The following OR5H1 variants were observed in gnomAD, a reference collection of about 807,000 sequenced individuals.
OR5H1 encodes the protein olfactory receptor family 5 subfamily H member 1.
For synonymous variants in OR5H1, 124 were observed against 134.4 expected (o/e 0.92, Z 0.54); for missense variants, 378 against 366.8 (o/e 1.03, Z -0.25).
Position 98,133,109 on chromosome 3 carries a change from A to G in OR5H1, c.412A>G (p.Asn138Asp), listed in dbSNP as rs1172025185. The change falls in exon 2 of 2, where the codon AAT (asparagine) becomes GAT (aspartate). Residue 138 changes from asparagine to aspartate, a missense_variant. Physicochemically the swap from Asn to Asp is conservative, Grantham distance 23. Transcript: ENST00000641874. ...KPLLYPAIMT[N>D]GLCIRLLILS... ...TTTACTTTATCCAGCCATTATGACC[A>G]ATGGACTGTGCATCCGGCTATTAAT... is the stretch of plus-strand genomic sequence containing the variant. 1.9e-6 allele frequency: 3 copies of G among 1,613,428 alleles called. No homozygotes were observed. The highest frequency in any genetic ancestry group is 2.7e-5 in the African/African-American group (2 of 74,838).
Position 98,133,717 on chromosome 3 carries a change from A to T in OR5H1, c.*78A>T. 8.0e-7 allele frequency: 1 copy of T among 1,243,062 alleles called. No individual in the cohort carries two copies. The allele number at this position is 1,243,062 out of a possible 1,614,324, so 77.0% of individuals were successfully genotyped here. On this transcript the variant is annotated 3_prime_UTR_variant, in exon 2 of 2. Transcript: ENST00000641874. ...CCTATGTTGTTTCCAGTGTTCAAAC[A>T]TTTTTGCAAGTACAACTGTTCTAGC...
Position 98,132,766 on chromosome 3 carries a change from G to A in OR5H1, c.69G>A (p.Trp23Ter), listed in dbSNP as rs1225236560. The change falls in exon 2 of 2, where the codon TGG becomes TGA. Residue 23 changes from tryptophan to a stop codon, truncating the protein, a stop_gained. Transcript: ENST00000641874. LOFTEE classifies it low-confidence loss of function (END_TRUNC). The part of the protein sequence containing the change: ...VLTGFLYQPQ[W>*]KIPLFLAFLV... ...CAGGATTTTTATATCAACCACAGTGGAAAATACCCCTGTTCCTGGCATTCT... is the reference window on the plus strand; with the variant it reads ...CAGGATTTTTATATCAACCACAGTGAAAAATACCCCTGTTCCTGGCATTCT... The A allele has an allele frequency of 1.9e-6, 3 of 1,613,344 alleles. No individual in the cohort carries two copies. Among genetic ancestry groups the A allele is most frequent in the Non-Finnish European group, 2.5e-6 (3 of 1,179,542 alleles).
rs1553728073 is a variant in OR5H1, at chr3:98,137,994, G to GAGC, written c.*4355_*4356insAGC. 1 of 152,040 alleles carries GAGC rather than the reference G, an allele frequency of 6.6e-6. No homozygotes were observed. Among genetic ancestry groups the GAGC allele is most frequent in the Non-Finnish European group, 1.5e-5 (1 of 68,026 alleles). 9.4% of individuals were successfully genotyped at this position (152,040 alleles called of 1,614,324 possible). A position where few individuals can be genotyped will look rare whatever the true frequency, so the allele number is the denominator to read the frequency against. On this transcript the variant is annotated 3_prime_UTR_variant, in exon 2 of 2. Transcript: ENST00000641874. ...TTCTTGTTAACTACATTTACAGCAC[G>GAGC]TTTATGTCAGTGTAGCAGGACGAGC... is the stretch of plus-strand genomic sequence containing the variant.
At position 98,134,465 on chromosome 3, in the gene OR5H1, G is replaced by A. The variant is rs888842505; in HGVS notation, c.*826G>A. On this transcript the variant is annotated 3_prime_UTR_variant, in exon 2 of 2. Transcript: ENST00000641874. ...GTTTTTATGATGAAGCTACCAAGAT[G>A]TGTAAAAATCAATAATATTGCAAGG... 1 of 152,080 alleles carries A rather than the reference G, an allele frequency of 6.6e-6. No homozygotes were observed. The highest frequency in any genetic ancestry group is 1.5e-5 in the Non-Finnish European group (1 of 67,972). 9.4% of individuals were successfully genotyped at this position (152,080 alleles called of 1,614,324 possible).
chr3:98,132,626 C>A, intron 1 of OR5H1, 54 bp from the exon 2 acceptor site: 2 of 1,571,664 alleles, frequency 1.3e-6, no homozygotes, highest in Non-Finnish European at 1.7e-6. Context: ...TCCCCAATTT[C>A]AACTGATAAT....
At position 98,133,436 on chromosome 3, in the gene OR5H1, T is replaced by C. The variant is rs759864641; in HGVS notation, c.739T>C (p.Ser247Pro). 9.4e-5 allele frequency: 151 copies of C among 1,613,456 alleles called. No homozygotes were observed. The highest frequency in any genetic ancestry group is 1.2e-4 in the Non-Finnish European group (146 of 1,179,688). The change falls in exon 2 of 2, where the codon TCT becomes CCT. Residue 247 changes from serine to proline, a missense_variant. Ser to Pro is a moderately conservative substitution (Grantham distance 74). Coordinates refer to ENST00000641874, the MANE Select transcript of OR5H1 (RefSeq NM_001005338.2). ...TTCCACCTGTGGAGCCCATCTCTTCTCTGTCTCTTTATACTATGGACCCCT... is the reference window on the plus strand; with the variant it reads ...TTCCACCTGTGGAGCCCATCTCTTCCCTGTCTCTTTATACTATGGACCCCT... Reference protein sequence around the residue: ...AFSTCGAHLFSVSLYYGPLLF... With the variant: ...AFSTCGAHLFPVSLYYGPLLF...
intron 1 of OR5H1, 93 bp from the exon 2 acceptor site, chr3:98,132,587 A>G (rs1708267840): frequency 7.2e-7 from 1 of 1,398,502 alleles, no homozygotes; most frequent in South Asian, 1.3e-5. Flanking sequence ...GAGGGTTCTG[A>G]TCATTTTAGG....
rs755278607 is a variant in OR5H1 at position 98,136,186 on chromosome 3, A to G, written c.*2547A>G. ...CCTCCATAATCAGGCCATTTCTTTCAAATGTAATTATAGTAAGACTAATTT... is the reference window on the plus strand; with the variant it reads ...CCTCCATAATCAGGCCATTTCTTTCGAATGTAATTATAGTAAGACTAATTT... On this transcript the variant is annotated 3_prime_UTR_variant, in exon 2 of 2. Coordinates refer to ENST00000641874, the MANE Select transcript of OR5H1 (RefSeq NM_001005338.2). 6.6e-6 allele frequency: 1 copy of G among 152,318 alleles called. No homozygotes were observed. The highest frequency in any genetic ancestry group is 1.5e-5 in the Non-Finnish European group (1 of 68,024). 9.4% of individuals were successfully genotyped at this position (152,318 alleles called of 1,614,324 possible). A position where few individuals can be genotyped will look rare whatever the true frequency, so the allele number is the denominator to read the frequency against.
rs755127683 is a variant in OR5H1 at position 98,133,315 on chromosome 3, T to G, written c.618T>G (p.Ile206Met). 23 of 1,613,064 alleles carry G rather than the reference T, an allele frequency of 1.4e-5. No homozygotes were observed. The African/African-American group carries it at 2.9e-4, about 21-fold the overall frequency. ...FLMVFIFSGSIQVFSIVTILV... is the reference protein window; with the variant it reads ...FLMVFIFSGSMQVFSIVTILV... ...TGGTTTTTATTTTCTCAGGTTCAAT[T>G]CAGGTATTCAGCATTGTGACTATTC... The change falls in exon 2 of 2, where the codon ATT (isoleucine) becomes ATG (methionine). Residue 206 changes from isoleucine to methionine, a missense_variant. Ile to Met is a conservative substitution (Grantham distance 10, BLOSUM62 1). Coordinates refer to ENST00000641874, the MANE Select transcript of OR5H1 (RefSeq NM_001005338.2).
intron 1 of OR5H1, among the ~76,000 whole-genome samples, 193 bp downstream of exon 1, chr3:98,131,043 A>T (rs924462937): frequency 6.6e-6 from 1 of 151,916 alleles, no homozygotes; most frequent in Non-Finnish European, 1.5e-5. Context: ...ATAAGACTGA[A>T]TTTTTCCTTT....
Position 98,136,223 on chromosome 3 carries a change from A to G in OR5H1, c.*2584A>G, listed in dbSNP as rs1708316252. The stretch of plus-strand genomic sequence containing the variant: ...AGTAAGACTAATTTATTTACCAACT[A>G]GATCTACCCTCATTAAGCTTCAAGT... On this transcript the variant is annotated 3_prime_UTR_variant, in exon 2 of 2. Transcript: ENST00000641874. The G allele has an allele frequency of 6.6e-6, 1 of 152,198 alleles. No individual in the cohort carries two copies. The highest frequency in any genetic ancestry group is 2.4e-5 in the African/African-American group (1 of 41,452). 9.4% of individuals were successfully genotyped at this position (152,198 alleles called of 1,614,324 possible).
rs986070938 is a variant in OR5H1, at chr3:98,135,243, G to A, written c.*1604G>A. Reference sequence around the variant, plus strand: ...AGATTGTATTGGTTAAAGTGGAGCAGTAGTGTTATTTTGATCATTCCAGTG... The same window carrying A: ...AGATTGTATTGGTTAAAGTGGAGCAATAGTGTTATTTTGATCATTCCAGTG... On this transcript the variant is annotated 3_prime_UTR_variant, in exon 2 of 2. Transcript: ENST00000641874. 2.0e-5 allele frequency: 3 copies of A among 152,116 alleles called. No homozygotes were observed. The highest frequency in any genetic ancestry group is 2.9e-5 in the Non-Finnish European group (2 of 68,002). The allele number at this position is 152,116 out of a possible 1,614,324, so 9.4% of individuals were successfully genotyped here.
At position 98,137,527 on chromosome 3, in the gene OR5H1, A is replaced by G. The variant is rs1708334094; in HGVS notation, c.*3888A>G. 6.6e-6 allele frequency: 1 copy of G among 152,210 alleles called. No homozygotes were observed. Among genetic ancestry groups the G allele is most frequent in the South Asian group, 2.1e-4 (1 of 4,822 alleles). 9.4% of individuals were successfully genotyped at this position (152,210 alleles called of 1,614,324 possible). Reference sequence around the variant, plus strand: ...ATTTTACAGATTGGCAAATCTACGAATATACAATTTCATAATTCCTAGAAG... The same window carrying G: ...ATTTTACAGATTGGCAAATCTACGAGTATACAATTTCATAATTCCTAGAAG... On this transcript the variant is annotated 3_prime_UTR_variant, in exon 2 of 2. Coordinates refer to ENST00000641874, the MANE Select transcript of OR5H1 (RefSeq NM_001005338.2).
Position 98,133,498 on chromosome 3 carries a change from A to C in OR5H1, c.801A>C (p.Ala267=). ...ATGTGGGCCCTGCATCTCCGCAAGC[A>C]GATGATCAAGATATGGTGGAGCCTC... is the stretch of plus-strand genomic sequence containing the variant. ...FIYVGPASPQ[A]DDQDMVEPLF... is the part of the protein sequence containing the mutation. The change falls in exon 2 of 2, where the codon GCA becomes GCC. Residue 267 remains alanine (A), a synonymous_variant. Coordinates refer to ENST00000641874, the MANE Select transcript of OR5H1 (RefSeq NM_001005338.2). 1 of 1,613,618 alleles carries C rather than the reference A, an allele frequency of 6.2e-7. No individual in the cohort carries two copies.
rs948760364 is a variant in OR5H1, at chr3:98,137,373, T to G, written c.*3734T>G. On this transcript the variant is annotated 3_prime_UTR_variant, in exon 2 of 2. Transcript: ENST00000641874. Reference sequence around the variant, plus strand: ...AAATCTGTTGAGATTAGACAGATACTTTGCATACAGGGATGTTTCCTTTAT... The same window carrying G: ...AAATCTGTTGAGATTAGACAGATACGTTGCATACAGGGATGTTTCCTTTAT... The G allele has an allele frequency of 1.3e-5, 2 of 152,214 alleles. No homozygotes were observed. The highest frequency in any genetic ancestry group is 6.5e-5 in the Admixed American group (1 of 15,284). 9.4% of individuals were successfully genotyped at this position (152,214 alleles called of 1,614,324 possible).
chr3:98,132,237 TA>T lies in OR5H1; in HGVS notation c.-18-435del, dbSNP rs960473767. 4.6e-5 allele frequency among the ~76,000 whole-genome samples: 7 copies of T among 151,984 alleles called. No homozygotes were observed. In the East Asian group the frequency reaches 5.8e-4, roughly 13 times the overall value. On this transcript the variant is annotated intron_variant, in intron 1 of 1. Transcript: ENST00000641874. ...TTTTCTACACTATCAAAAACTAAAT[TA>T]AAAAAAATTAGGATGTAATTTCCCA...
Position 98,133,003 on chromosome 3 carries a change from T to A in OR5H1, c.306T>A (p.Phe102Leu). 6.2e-7 allele frequency: 1 copy of A among 1,613,650 alleles called. No homozygotes were observed. The highest frequency in any genetic ancestry group is 1.1e-5 in the South Asian group (1 of 91,072). The change falls in exon 2 of 2, where the codon TTT (phenylalanine) becomes TTA (leucine). Residue 102 changes from phenylalanine (F) to leucine (L), a missense_variant. Physicochemically the swap from Phe to Leu is conservative, Grantham distance 22 (BLOSUM62 0). Coordinates refer to ENST00000641874, the MANE Select transcript of OR5H1 (RefSeq NM_001005338.2). ...ISLSECKIQF[F>L]SFAISVTTEC... The stretch of plus-strand genomic sequence containing the variant: ...TCTCTGAATGCAAGATACAGTTTTT[T>A]TCGTTTGCAATCAGTGTAACCACGG...
At position 98,133,020 on chromosome 3, in the gene OR5H1, T is replaced by A; in HGVS notation, c.323T>A (p.Val108Glu). 1 of 1,613,630 alleles carries A rather than the reference T, an allele frequency of 6.2e-7. No homozygotes were observed. Among genetic ancestry groups the A allele is most frequent in the Non-Finnish European group, 8.5e-7 (1 of 1,179,660 alleles). Residue 108 changes from valine (V) to glutamate (E), a missense_variant, in exon 2 of 2, where the codon GTA becomes GAA. By Grantham distance (121) the Val-to-Glu change is moderately radical. Transcript: ENST00000641874. ...KIQFFSFAIS[V>E]TTECFLLATM... is the part of the protein sequence containing the mutation. ...CAGTTTTTTTCGTTTGCAATCAGTG[T>A]AACCACGGAATGTTTTCTCTTGGCA...
chr3:98,133,736 T>C lies in OR5H1; in HGVS notation c.*97T>C, dbSNP rs1708286719. On this transcript the variant is annotated 3_prime_UTR_variant, in exon 2 of 2. Coordinates refer to ENST00000641874, the MANE Select transcript of OR5H1 (RefSeq NM_001005338.2). Reference sequence around the variant, plus strand: ...TCAAACATTTTTGCAAGTACAACTGTTCTAGCACTTTAGTGAGCTAATGTT... The same window carrying C: ...TCAAACATTTTTGCAAGTACAACTGCTCTAGCACTTTAGTGAGCTAATGTT... 7 of 929,822 alleles carry C rather than the reference T, an allele frequency of 7.5e-6. No individual in the cohort carries two copies. Among genetic ancestry groups the C allele is most frequent in the South Asian group, 1.5e-5 (1 of 68,390 alleles). 57.6% of individuals were successfully genotyped at this position (929,822 alleles called of 1,614,324 possible).
Sources: gnomAD v4.1 joint callset for allele counts (sites outside exome capture counted in the v4.1 genomes callset) on GRCh38, gnomAD v4.1.1 for gene constraint, MANE v1.5 for transcripts, NCBI Gene and HGNC (gene_info 2026-07-23, HGNC 2026-07-21) for gene names.